The following BABAM2 variants were observed in gnomAD, a reference collection of about 807,000 sequenced individuals.
The protein encoded by BABAM2 is BRISC and BRCA1-A complex member 2.
BABAM2 carries 31 observed loss-of-function variants against 54.7 expected under a neutral mutation model. The ratio of observed to expected loss-of-function variants is 0.57; its 90% CI spans 0.43 to 0.77. The LOEUF is 0.77. Among genes scored for constraint, BABAM2 ranks in the 30% least tolerant of loss-of-function variants. The pLI is 0.00. For missense variants in BABAM2, 364 were observed against 455.8 expected (o/e 0.80, Z 1.83); for synonymous variants, 167 against 162.9 (o/e 1.03, Z -0.19).
At chr2:27,900,850 T>C (rs1016446853) in intron 2 of BABAM2, among the ~76,000 whole-genome samples, 3 of 152,110 alleles carry the variant, frequency 2.0e-5, no homozygotes, top group Non-Finnish European at 4.4e-5. Flanking sequence ...GAGGTCATCC[T>C]GGCTAACACG....
At chr2:28,130,637 A>G (rs1000215573) in intron 7 of BABAM2, among the ~76,000 whole-genome samples, 3 of 152,056 alleles carry the variant, frequency 2.0e-5, no homozygotes, top group African/African-American at 4.8e-5. Context: ...TTATTTTTGT[A>G]GAGACCGGGT....
At chr2:28,193,634 A>G (rs1677184784) in intron 7 of BABAM2, among the ~76,000 whole-genome samples, 1 of 152,230 alleles carries the variant, frequency 6.6e-6, no homozygotes, top group Non-Finnish European at 1.5e-5. Flanking sequence ...CCATTGCTCA[A>G]GAAAACCAAA....
intron 2 of BABAM2, among the ~76,000 whole-genome samples, chr2:27,925,056 C>G (rs959906164): frequency 1.3e-5 from 2 of 152,146 alleles, no homozygotes; most frequent in African/African-American, 4.8e-5. Context: ...AGCAGAATCC[C>G]TGCACCTAAC....
chr2:28,026,825 T>TATAA (rs1675740285), intron 5 of BABAM2, among the ~76,000 whole-genome samples: 2 of 62,482 alleles, frequency 3.2e-5, no homozygotes, highest in African/African-American at 1.6e-4. Flanking sequence ...TATATATTTA[T>TATAA]ATATATAAAT....
intron 3 of BABAM2, among the ~76,000 whole-genome samples, chr2:27,939,129 T>G (rs1023259972): frequency 3.9e-5 from 6 of 152,046 alleles, no homozygotes; most frequent in Non-Finnish European, 7.4e-5. Context: ...ATTTTTGTAT[T>G]TTTAGTAGAG....
At chr2:28,160,743 T>G (rs562203329) in intron 7 of BABAM2, among the ~76,000 whole-genome samples, 12 of 151,638 alleles carry the variant, frequency 7.9e-5, no homozygotes, top group Non-Finnish European at 1.2e-4. Flanking sequence ...TTGTTTTTTT[T>G]TTTTTTTTTT....
intron 7 of BABAM2, among the ~76,000 whole-genome samples, chr2:28,228,543 T>G (rs748445880): frequency 4.6e-5 from 7 of 152,184 alleles, no homozygotes; most frequent in Admixed American, 2.6e-4. Context: ...TATAACAAAC[T>G]CATAGTAAAT....
At chr2:28,125,450 C>A (rs1057109296) in intron 6 of BABAM2, among the ~76,000 whole-genome samples, 3 of 151,870 alleles carry the variant, frequency 2.0e-5, no homozygotes, top group African/African-American at 7.3e-5. Flanking sequence ...TGTGCCACCA[C>A]GCCTGGCTAA....
At chr2:27,904,911 G>A (rs1027704467) in intron 2 of BABAM2, among the ~76,000 whole-genome samples, 1 of 152,148 alleles carries the variant, frequency 6.6e-6, no homozygotes, top group African/African-American at 2.4e-5. Flanking sequence ...AATACAGGAA[G>A]GGAAGACCTA....
At chr2:27,947,816 C>T (rs894213345) in intron 3 of BABAM2, among the ~76,000 whole-genome samples, 12 of 152,124 alleles carry the variant, frequency 7.9e-5, no homozygotes, top group African/African-American at 2.9e-4. Context: ...TATGGACATC[C>T]ACATATTCTA....
chr2:28,297,650 C>T (rs1687805555), intron 10 of BABAM2, among the ~76,000 whole-genome samples: 1 of 152,140 alleles, frequency 6.6e-6, no homozygotes. Context: ...GTACCTTATG[C>T]GTTCCATTAA....
At chr2:28,231,172 G>A (rs1437005850) in intron 7 of BABAM2, among the ~76,000 whole-genome samples, 1 of 152,172 alleles carries the variant, frequency 6.6e-6, no homozygotes, top group African/African-American at 2.4e-5. Flanking sequence ...CAGGGTTGTT[G>A]TGAGGTTTAG....
chr2:28,305,776 T>G (rs931499810), intron 11 of BABAM2, among the ~76,000 whole-genome samples: 1 of 152,206 alleles, frequency 6.6e-6, no homozygotes, highest in African/African-American at 2.4e-5. Context: ...GTTGTCAAAG[T>G]GATTGGCAAT....
At chr2:27,967,403 TC>T in intron 3 of BABAM2, among the ~76,000 whole-genome samples, 1 of 152,342 alleles carries the variant, frequency 6.6e-6, no homozygotes, top group South Asian at 2.1e-4. Flanking sequence ...CGCCTTGCCT[TC>T]TGCCACGATT....
Position 28,015,609 on chromosome 2 carries a change from G to A in BABAM2, c.301-9617G>A, listed in dbSNP as rs958960229. Reference sequence around the variant, plus strand: ...GGCCCTTTCACACAGTGGCATCTGAGTGGCTACTGAATAGTCCAGGAATAA... The same window carrying A: ...GGCCCTTTCACACAGTGGCATCTGAATGGCTACTGAATAGTCCAGGAATAA... On this transcript the variant is annotated intron_variant, in intron 4 of 11. Transcript: ENST00000379624. 2.6e-5 allele frequency among the ~76,000 whole-genome samples: 4 copies of A among 152,298 alleles called. No homozygotes were observed. The South Asian group carries it at 6.2e-4, about 24-fold the overall frequency.
chr2:27,951,793 T>A (rs1368004785), intron 3 of BABAM2, among the ~76,000 whole-genome samples: 2 of 152,212 alleles, frequency 1.3e-5, no homozygotes, highest in Non-Finnish European at 2.9e-5. Context: ...GAGATTTTGG[T>A]GCACCCATCA....
chr2:27,899,051 C>T (rs1233176340), intron 2 of BABAM2, among the ~76,000 whole-genome samples: 1 of 151,634 alleles, frequency 6.6e-6, no homozygotes, highest in Non-Finnish European at 1.5e-5. Context: ...ATCACTTGAG[C>T]CCAGGAGTTT....
chr2:28,065,205 T>G (rs1369549948), intron 6 of BABAM2, among the ~76,000 whole-genome samples: 1 of 152,074 alleles, frequency 6.6e-6, no homozygotes, highest in Non-Finnish European at 1.5e-5. Flanking sequence ...AAGTGTGAGG[T>G]CTAAACCTGT....
intron 6 of BABAM2, 76 bp from the exon 7 acceptor site, chr2:28,129,195 A>G (rs1669822399): frequency 7.5e-7 from 1 of 1,330,894 alleles, no homozygotes; most frequent in Non-Finnish European, 1.1e-6. Context: ...CTTCAATGCC[A>G]GTGGACTGTG....
Sources: gnomAD v4.1 joint callset for allele counts (sites outside exome capture counted in the v4.1 genomes callset) on GRCh38, gnomAD v4.1.1 for gene constraint, MANE v1.5 for transcripts, NCBI Gene and HGNC (gene_info 2026-07-23, HGNC 2026-07-21) for gene names.